SREK1: variants seen among roughly 807,000 people sequenced by gnomAD.
SREK1 encodes splicing regulatory glutamic acid and lysine rich protein 1, also known as splicing regulatory glutamine/lysine-rich protein 1.
SREK1 carries 13 observed loss-of-function variants against 66.5 expected under a neutral mutation model. The observed-to-expected ratio is 0.20, with a 90% CI of 0.13 to 0.31. The LOEUF (loss-of-function observed/expected upper bound fraction) is 0.31. Among genes scored for constraint, SREK1 ranks in the 10% least tolerant of loss-of-function variants. SREK1 has a pLI of 1.00. For synonymous variants in SREK1, 265 were observed against 263.5 expected (o/e 1.01, Z -0.05); for missense variants, 607 against 769.6 (o/e 0.79, Z 2.50).
At chr5:66,150,039 C>T (rs922177174) in intron 1 of SREK1, among the ~76,000 whole-genome samples, 2 of 152,186 alleles carry the variant, frequency 1.3e-5, no homozygotes, top group Non-Finnish European at 2.9e-5. Context: ...ATCTGGCTTA[C>T]AGCTTGCTGT....
chr5:66,156,058 T>C (rs1174333924), intron 2 of SREK1: 2 of 1,532,758 alleles, frequency 1.3e-6, no homozygotes, highest in Non-Finnish European at 8.7e-7. Context: ...TATTTGTGCA[T>C]TATTAGATGA....
chr5:66,169,948 A>G, intron 7 of SREK1, 103 bp from the exon 8 acceptor site: 1 of 949,890 alleles, frequency 1.1e-6, no homozygotes. Flanking sequence ...ATTTAAGAGA[A>G]ATTTTTAAAA....
chr5:66,176,500 T>C (rs1483189837), intron 10 of SREK1, among the ~76,000 whole-genome samples: 1 of 152,130 alleles, frequency 6.6e-6, no homozygotes, highest in Non-Finnish European at 1.5e-5. Flanking sequence ...TGCATTCGAT[T>C]TATAAATTAA....
chr5:66,149,692 C>T (rs1743595543), intron 1 of SREK1, among the ~76,000 whole-genome samples: 1 of 152,320 alleles, frequency 6.6e-6, no homozygotes. Flanking sequence ...AGATGACTGT[C>T]AGGCTCTTGA....
chr5:66,174,092 T>C (rs1263785238), intron 9 of SREK1, among the ~76,000 whole-genome samples: 1 of 149,398 alleles, frequency 6.7e-6, no homozygotes, highest in Non-Finnish European at 1.5e-5. Context: ...ATTTGGTTTT[T>C]TAGCTATGTG....
At position 66,170,930 on chromosome 5, in the gene SREK1, A is replaced by G; in HGVS notation, c.1467A>G (p.Arg489=). The stretch of plus-strand genomic sequence containing the variant: ...CCAGGAGTTACAATGCATCGCGAAG[A>G]TCTCGTAGTTCCAGCAGGTTTGATA... ...TPPRSYNASR[R]SRSSSRERRR... The change falls in exon 9 of 12, where the codon AGA becomes AGG. Residue 489 remains arginine, a synonymous_variant. Coordinates refer to ENST00000334121, the MANE Select transcript of SREK1 (RefSeq NM_001077199.3). 1 of 1,605,596 alleles carries G rather than the reference A, an allele frequency of 6.2e-7. No individual in the cohort carries two copies.
At position 66,159,320 on chromosome 5, in the gene SREK1, A is replaced by C. The variant is rs778862586; in HGVS notation, c.397A>C (p.Asn133His). Residue 133 changes from asparagine (N) to histidine (H), a missense_variant, in exon 3 of 12, where the codon AAT becomes CAT. Asn to His is a moderately conservative substitution (Grantham distance 68). This residue lies in a region of SREK1 where 99 missense variants were observed against 186.6 expected (regional missense o/e 0.53). Transcript: ENST00000334121. ...AGGATTGCTTCCAATACCGACCCCA[A>C]ATCCTTTGACTACTGTAAGTACTAT... ...GAGLLPIPTP[N>H]PLTTLGVSLS... 15 of 1,611,336 alleles carry C rather than the reference A, an allele frequency of 9.3e-6. No homozygotes were observed. The highest frequency in any genetic ancestry group is 2.7e-5 in the African/African-American group (2 of 74,822).
At chr5:66,159,522 C>T (rs941474831) in intron 3 of SREK1, among the ~76,000 whole-genome samples, 188 bp downstream of exon 3, 1 of 150,892 alleles carries the variant, frequency 6.6e-6, no homozygotes, top group African/African-American at 2.4e-5. Context: ...TTTGGATTTA[C>T]TCCTGAAGTA....
chr5:66,169,720 C>T (rs1745477367), intron 7 of SREK1: 2 of 158,152 alleles, frequency 1.3e-5, no homozygotes, highest in African/African-American at 4.8e-5. Flanking sequence ...AACCACGTAA[C>T]CACTACTCCC....
intron 2 of SREK1, chr5:66,156,712 C>A: frequency 1.0e-6 from 1 of 984,892 alleles, no homozygotes; most frequent in Non-Finnish European, 1.2e-6. Context: ...TAAAGAAGAG[C>A]CTTTCATTTT....
rs764771444 is a variant in SREK1, at chr5:66,164,847, G to C, written c.951G>C (p.Arg317Ser). Residue 317 changes from arginine to serine, a missense_variant, in exon 7 of 12, where the codon AGG becomes AGC. Transcript: ENST00000334121. ...RSRSHTRSKS[R>S]SSSKSHSRRK... The stretch of plus-strand genomic sequence containing the variant: ...GTTCCCATACTCGCTCAAAATCCAG[G>C]TCTAGCTCAAAATCCCATTCTAGAA... 6.2e-7 allele frequency: 1 copy of C among 1,613,844 alleles called. No individual in the cohort carries two copies.
At chr5:66,171,390 A>G (rs577174195) in intron 9 of SREK1, among the ~76,000 whole-genome samples, 18 of 152,126 alleles carry the variant, frequency 1.2e-4, no homozygotes, top group Non-Finnish European at 2.4e-4. Flanking sequence ...TGTTAAGTGC[A>G]TAACATTTAA....
At position 66,177,581 on chromosome 5, in the gene SREK1, C is replaced by A; in HGVS notation, c.1648C>A (p.Arg550Ser). 1 of 1,609,210 alleles carries A rather than the reference C, an allele frequency of 6.2e-7. No homozygotes were observed. Among genetic ancestry groups the A allele is most frequent in the Non-Finnish European group, 8.5e-7 (1 of 1,177,094 alleles). ...CATCAGTGAAAGAAGAGAGAGAGAA[C>A]GTTCAACGTCTATGAGAAAGAGTTC... ...DHISERRERE[R>S]STSMRKSSND... Residue 550 changes from arginine (R) to serine (S), a missense_variant, in exon 11 of 12, where the codon CGT (arginine) becomes AGT (serine). Arg to Ser is a moderately radical substitution (Grantham distance 110, BLOSUM62 -1). Coordinates refer to ENST00000334121, the MANE Select transcript of SREK1 (RefSeq NM_001077199.3).
At chr5:66,158,900 G>C in intron 2 of SREK1, 2 of 1,298,424 alleles carry the variant, frequency 1.5e-6, no homozygotes, top group Non-Finnish European at 2.0e-6. Flanking sequence ...GCTTGATATC[G>C]TTTGGTTCAT....
intron 2 of SREK1, chr5:66,156,219 G>C (rs1744270146): frequency 7.7e-7 from 1 of 1,294,054 alleles, no homozygotes; most frequent in Non-Finnish European, 9.8e-7. Flanking sequence ...GTTTTTTATT[G>C]TTTTACTTTA....
rs936191706 is a variant in SREK1 at position 66,182,217 on chromosome 5, G to A, written c.*3349G>A. On this transcript the variant is annotated 3_prime_UTR_variant, in exon 12 of 12. Transcript: ENST00000334121. The stretch of plus-strand genomic sequence containing the variant: ...TCATTTACGTTTTCATTGGAAGACA[G>A]TATCTGATTTCAACTGGTGCGTTAC... The A allele has an allele frequency of 6.6e-6, 1 of 152,142 alleles. No individual in the cohort carries two copies. The highest frequency in any genetic ancestry group is 1.5e-5 in the Non-Finnish European group (1 of 68,024). 9.4% of individuals were successfully genotyped at this position (152,142 alleles called of 1,614,324 possible).
rs192193797 is a variant in SREK1, at chr5:66,181,144, C to T, written c.*2276C>T. ...AGCTTTAAAATAATCGTACTATAATCTTGAAACACTGATTTGTAAAAACTA... is the reference window on the plus strand; with the variant it reads ...AGCTTTAAAATAATCGTACTATAATTTTGAAACACTGATTTGTAAAAACTA... On this transcript the variant is annotated 3_prime_UTR_variant, in exon 12 of 12. Transcript: ENST00000334121. 6.6e-6 allele frequency: 1 copy of T among 152,286 alleles called. No homozygotes were observed. The highest frequency in any genetic ancestry group is 1.9e-4 in the East Asian group (1 of 5,190). 9.4% of individuals were successfully genotyped at this position (152,286 alleles called of 1,614,324 possible).
At chr5:66,156,138 C>A in intron 2 of SREK1, 1 of 1,428,250 alleles carries the variant, frequency 7.0e-7, no homozygotes, top group South Asian at 1.5e-5. Context: ...ACTAAACCTG[C>A]CGTCAAGTGA....
intron 2 of SREK1, chr5:66,157,063 A>G: frequency 2.0e-6 from 2 of 981,362 alleles, no homozygotes; most frequent in South Asian, 9.4e-5. Flanking sequence ...CTTTTTCTTA[A>G]AGTACTTTTG....
Sources: allele counts gnomAD v4.1 joint callset (sites outside exome capture counted in the v4.1 genomes callset), GRCh38; gene constraint gnomAD v4.1.1; regional missense constraint gnomAD v4.1.1; transcripts MANE v1.5; gene names NCBI Gene and HGNC (gene_info 2026-07-23, HGNC 2026-07-21).